Variants in CLCA2 observed in about 807,000 individuals in gnomAD.
The protein encoded by CLCA2 is chloride channel accessory 2.
In CLCA2, 85 loss-of-function variants were observed where a neutral mutation model predicts 82.9. The observed-to-expected ratio is 1.03, with a 90% confidence interval of 0.86 to 1.23. CLCA2 has a LOEUF of 1.23. Ranked by LOEUF, CLCA2 falls within the 50% of genes most tolerant of loss-of-function variation. The pLI is 0.00. For missense variants in CLCA2, 1,089 were observed against 1,124.8 expected (o/e 0.97, Z 0.45); for synonymous variants, 421 against 391.7 (o/e 1.07, Z -0.88).
intron 12 of CLCA2, among the ~76,000 whole-genome samples, chr1:86,452,724 A>G (rs1662998029): frequency 6.6e-6 from 1 of 152,102 alleles, no homozygotes; most frequent in Non-Finnish European, 1.5e-5. Flanking sequence ...TAAATTACTG[A>G]CCCACATTAT....
At chr1:86,447,383 A>G in intron 10 of CLCA2, 125 bp from the exon 11 acceptor site, 1 of 919,106 alleles carries the variant, frequency 1.1e-6, no homozygotes, top group Non-Finnish European at 1.7e-6. Flanking sequence ...ATCTTTTTGT[A>G]GTATTTTAAA....
At chr1:86,446,438 C>T (rs1662855903) in intron 10 of CLCA2, among the ~76,000 whole-genome samples, 1 of 152,086 alleles carries the variant, frequency 6.6e-6, no homozygotes, top group Non-Finnish European at 1.5e-5. Flanking sequence ...GCTCCCCTTG[C>T]CTGACCTCTT....
At chr1:86,434,466 G>A in intron 5 of CLCA2, 52 bp from the exon 6 acceptor site, 2 of 1,463,782 alleles carry the variant, frequency 1.4e-6, no homozygotes, top group African/African-American at 1.4e-5. Context: ...TGAGAACTAT[G>A]TTTGCTTTGG....
intron 11 of CLCA2, among the ~76,000 whole-genome samples, chr1:86,449,489 A>T (rs975836811): frequency 6.6e-6 from 1 of 152,254 alleles, no homozygotes; most frequent in African/African-American, 2.4e-5. Flanking sequence ...AAACCTTATT[A>T]ATCATTAAAT....
chr1:86,432,641 C>A (rs1396014588), intron 5 of CLCA2, 113 bp downstream of exon 5: 2 of 1,234,022 alleles, frequency 1.6e-6, no homozygotes, highest in East Asian at 4.9e-5. Flanking sequence ...CTTGGGGGAC[C>A]CTAGAGTTCA....
intron 10 of CLCA2, among the ~76,000 whole-genome samples, chr1:86,446,871 G>C (rs767410133): frequency 2.0e-5 from 3 of 152,202 alleles, no homozygotes; most frequent in Admixed American, 6.5e-5. Context: ...TTCCCAGGCA[G>C]ATAGGCAAGA....
intron 6 of CLCA2, 104 bp from the exon 7 acceptor site, chr1:86,438,772 A>T: frequency 1.1e-6 from 1 of 904,178 alleles, no homozygotes; most frequent in East Asian, 2.4e-5. Context: ...ATGATCCAAC[A>T]TCTCTAAAGA....
rs56296572 is a variant in CLCA2 at position 86,440,111 on chromosome 1, T to C, written c.1204-37T>C. On this transcript the variant is annotated intron_variant, in intron 7 of 13. Transcript: ENST00000370565. ...TTTTGCTCAATAAAACAATTTGAAC[T>C]ACACTTCCTTCCAAGTGACTAATTC... is the stretch of plus-strand genomic sequence containing the variant. 135 of 1,599,768 alleles carry C rather than the reference T, an allele frequency of 8.4e-5. 1 individual carries two copies. The highest frequency in any genetic ancestry group is 1.1e-4 in the Non-Finnish European group (130 of 1,169,796).
intron 2 of CLCA2, among the ~76,000 whole-genome samples, chr1:86,427,933 A>C (rs1210616503): frequency 2.0e-5 from 3 of 152,190 alleles, no homozygotes; most frequent in Non-Finnish European, 2.9e-5. Context: ...ATAATGTTCT[A>C]TTGTCTTACA....
chr1:86,431,256 A>G (rs935660884), intron 4 of CLCA2, among the ~76,000 whole-genome samples: 9 of 152,178 alleles, frequency 5.9e-5, no homozygotes, highest in Non-Finnish European at 1.3e-4. Flanking sequence ...CCTCTAAGTA[A>G]CCACTTTGAT....
intron 3 of CLCA2, 70 bp from the exon 4 acceptor site, chr1:86,430,792 T>A (rs1662480846): frequency 9.1e-7 from 1 of 1,102,624 alleles, no homozygotes; most frequent in Admixed American, 1.8e-5. Context: ...AAATGTTACG[T>A]CTTCACTAGT....
chr1:86,432,314 A>G, intron 4 of CLCA2, 55 bp from the exon 5 acceptor site: 3 of 1,584,126 alleles, frequency 1.9e-6, no homozygotes, highest in South Asian at 2.3e-5. Flanking sequence ...AGTCAACAAG[A>G]AACATAAGTG....
rs572025349 is a variant in CLCA2, at chr1:86,428,323, T to C, written c.325-95T>C. ...TACATACAATAAAATGCACACATCT[T>C]AAGTGTACAGTTCAAAGTGCTTTAA... On this transcript the variant is annotated intron_variant, in intron 2 of 13. Coordinates refer to ENST00000370565, the MANE Select transcript of CLCA2 (RefSeq NM_006536.7). 16 of 1,175,674 alleles carry C rather than the reference T, an allele frequency of 1.4e-5. No homozygotes were observed. The African/African-American group carries it at 1.7e-4, about 13-fold the overall frequency. The allele number at this position is 1,175,674 out of a possible 1,614,324, so 72.8% of individuals were successfully genotyped here.
chr1:86,429,408 A>G (rs1366891086), intron 3 of CLCA2, among the ~76,000 whole-genome samples: 1 of 152,234 alleles, frequency 6.6e-6, no homozygotes, highest in African/African-American at 2.4e-5. Context: ...TGGAGACAGC[A>G]TTAAGGAACA....
intron 9 of CLCA2, among the ~76,000 whole-genome samples, chr1:86,441,945 A>C (rs1426454105): frequency 6.6e-6 from 1 of 152,244 alleles, no homozygotes; most frequent in African/African-American, 2.4e-5. Context: ...TATAAGGGGT[A>C]TCAACTATTT....
At position 86,447,712 on chromosome 1, in the gene CLCA2, G is replaced by T. The variant is rs1248157915; in HGVS notation, c.1918G>T (p.Val640Phe). 1 of 1,614,022 alleles carries T rather than the reference G, an allele frequency of 6.2e-7. No individual in the cohort carries two copies. The highest frequency in any genetic ancestry group is 1.7e-5 in the Admixed American group (1 of 59,996). The change falls in exon 11 of 14, where the codon GTC becomes TTC. Residue 640 changes from valine (V) to phenylalanine (F), a missense_variant. By Grantham distance (50) the Val-to-Phe change is conservative. Transcript: ENST00000370565. ...ATTTTATCCCATTCTTAATGCCACT[G>T]TCACTGCCACAGTTGAGCCAGAGAC... ...QGFYPILNAT[V>F]TATVEPETGD... is the part of the protein sequence containing the mutation.
intron 6 of CLCA2, among the ~76,000 whole-genome samples, chr1:86,436,667 T>C (rs1233577042): frequency 1.3e-5 from 2 of 152,182 alleles, no homozygotes; most frequent in African/African-American, 4.8e-5. Flanking sequence ...AATAATTTTG[T>C]TATGTTGCAT....
intron 2 of CLCA2, 85 bp from the exon 3 acceptor site, chr1:86,428,333 G>T (rs1662427875): frequency 8.2e-6 from 11 of 1,336,610 alleles, no homozygotes; most frequent in Non-Finnish European, 1.1e-5. Flanking sequence ...TAAGTGTACA[G>T]TTCAAAGTGC....
At chr1:86,425,580 C>G (rs1662372708) in intron 2 of CLCA2, 104 bp downstream of exon 2, 2 of 919,992 alleles carry the variant, frequency 2.2e-6, no homozygotes, top group South Asian at 5.7e-5. Context: ...AACAAATCAT[C>G]AGTATTAACA....
Sources: gnomAD v4.1 joint callset for allele counts (sites outside exome capture counted in the v4.1 genomes callset) on GRCh38, gnomAD v4.1.1 for gene constraint, MANE v1.5 for transcripts, NCBI Gene and HGNC (gene_info 2026-07-23, HGNC 2026-07-21) for gene names.